MAP2K1: variants seen among roughly 807,000 people sequenced by gnomAD.
MAP2K1 encodes the protein dual specificity mitogen-activated protein kinase kinase 1.
A neutral mutation model predicts 46.3 loss-of-function variants in MAP2K1; 16 were observed. The ratio of observed to expected loss-of-function variants is 0.35; its 90% CI spans 0.23 to 0.52. MAP2K1 has a LOEUF of 0.52. MAP2K1 is among the 20% of genes least tolerant of loss of function. MAP2K1 has a pLI of 0.94. For missense variants in MAP2K1, 263 were observed against 497.1 expected (o/e 0.53, Z 4.48); for synonymous variants, 183 against 185.6 (o/e 0.99, Z 0.11).
intron 1 of MAP2K1, among the ~76,000 whole-genome samples, chr15:66,406,468 G>A (rs186593972): frequency 4.0e-4 from 61 of 152,310 alleles, no homozygotes; most frequent in Non-Finnish European, 8.8e-5. Flanking sequence ...GCAAAAGGAG[G>A]CATTGTGCTG....
rs1893222286 is a variant in MAP2K1, at chr15:66,490,574, C to A, written c.1141C>A (p.Leu381Ile). The change falls in exon 11 of 11, where the codon CTT becomes ATT. Residue 381 changes from leucine to isoleucine, a missense_variant. Leu to Ile is a conservative substitution (Grantham distance 5, BLOSUM62 2). Coordinates refer to ENST00000307102, the MANE Select transcript of MAP2K1 (RefSeq NM_002755.4). ...AGGTTGGCTCTGCTCCACCATCGGCCTTAACCAGCCCAGCACACCAACCCA... is the reference window on the plus strand; with the variant it reads ...AGGTTGGCTCTGCTCCACCATCGGCATTAACCAGCCCAGCACACCAACCCA... ...FAGWLCSTIG[L>I]NQPSTPTHAA... 3 of 1,614,184 alleles carry A rather than the reference C, an allele frequency of 1.9e-6. No homozygotes were observed. The highest frequency in any genetic ancestry group is 2.5e-6 in the Non-Finnish European group (3 of 1,180,036).
At position 66,490,923 on chromosome 15, in the gene MAP2K1, C is replaced by A. The variant is rs14303; in HGVS notation, c.*308C>A. On this transcript the variant is annotated 3_prime_UTR_variant, in exon 11 of 11. Coordinates refer to ENST00000307102, the MANE Select transcript of MAP2K1 (RefSeq NM_002755.4). ...TGGTGAATGTGGGTAGTCATTCTTA[C>A]AATTGCACTGCTGTTCCTGCTCCAT... 0.24 allele frequency: 112,098 copies of A among 475,192 alleles called. 15,051 individuals carry two copies. Among genetic ancestry groups the A allele is most frequent in the South Asian group, 0.33 (15,782 of 47,806 alleles). The allele number at this position is 475,192 out of a possible 1,614,324, so 29.4% of individuals were successfully genotyped here. A position where few individuals can be genotyped will look rare whatever the true frequency, so the allele number is the denominator to read the frequency against.
intron 1 of MAP2K1, among the ~76,000 whole-genome samples, chr15:66,390,247 G>A (rs533344767): frequency 6.6e-6 from 1 of 152,274 alleles, no homozygotes; most frequent in East Asian, 1.9e-4. Context: ...GTGTTTCATA[G>A]CACTAATGAG....
chr15:66,433,770 G>A (rs2093480540), intron 1 of MAP2K1, among the ~76,000 whole-genome samples: 1 of 152,102 alleles, frequency 6.6e-6, no homozygotes, highest in South Asian at 2.1e-4. Flanking sequence ...TGTCACTTCA[G>A]CCACCCCACA....
intron 1 of MAP2K1, among the ~76,000 whole-genome samples, chr15:66,416,380 A>T (rs1358108344): frequency 1.4e-5 from 2 of 147,940 alleles, no homozygotes; most frequent in African/African-American, 2.5e-5. Context: ...CCACCCACAC[A>T]CCCACCTTTC....
At chr15:66,414,804 T>C in intron 1 of MAP2K1, 1 of 203,076 alleles carries the variant, frequency 4.9e-6, no homozygotes, top group Non-Finnish European at 1.0e-5. Context: ...TTTCCCCCAG[T>C]CATCTTTTAT....
intron 5 of MAP2K1, among the ~76,000 whole-genome samples, chr15:66,478,266 ATATATTTAACATATATATATATAC>A (rs1428171833): frequency 2.1e-5 from 3 of 142,752 alleles, no homozygotes. Context: ...ATCTGTGTAT[ATATATTTAACATATATATATATAC>A]TATATATACC....
chr15:66,440,061 G>A (rs1015265583), intron 3 of MAP2K1, among the ~76,000 whole-genome samples: 4 of 151,620 alleles, frequency 2.6e-5, no homozygotes, highest in Non-Finnish European at 5.9e-5. Flanking sequence ...CCATTTCTCC[G>A]ATCAATTTTG....
Position 66,415,094 on chromosome 15 carries a change from C to T in MAP2K1, c.81-19933C>T, listed in dbSNP as rs138883345. The T allele has an allele frequency of 1.4e-3, 719 of 514,932 alleles. 4 individuals carry two copies. The highest frequency in any genetic ancestry group is 0.013 in the African/African-American group (661 of 51,606). The allele number at this position is 514,932 out of a possible 1,614,324, so 31.9% of individuals were successfully genotyped here. A position where few individuals can be genotyped will look rare whatever the true frequency, so the allele number is the denominator to read the frequency against. Reference sequence around the variant, plus strand: ...CAGTAATAACCTCTTCAAAATGCTCCGGTAGTGCCACTATTGCTGAAGTCC... The same window carrying T: ...CAGTAATAACCTCTTCAAAATGCTCTGGTAGTGCCACTATTGCTGAAGTCC... On this transcript the variant is annotated intron_variant, in intron 1 of 10. Transcript: ENST00000307102.
intron 1 of MAP2K1, among the ~76,000 whole-genome samples, chr15:66,416,706 A>G (rs1024957766): frequency 2.6e-5 from 4 of 152,148 alleles, no homozygotes; most frequent in South Asian, 4.1e-4. Context: ...GGTTTCCACT[A>G]TAACAACAGT....
At chr15:66,411,600 C>T (rs573904391) in intron 1 of MAP2K1, among the ~76,000 whole-genome samples, 26 of 152,320 alleles carry the variant, frequency 1.7e-4, no homozygotes, top group African/African-American at 6.0e-4. Context: ...CTTTTCCCTG[C>T]AGCTAATAAC....
intron 1 of MAP2K1, among the ~76,000 whole-genome samples, chr15:66,431,998 AC>A (rs920749480): frequency 2.6e-5 from 4 of 152,056 alleles, no homozygotes; most frequent in African/African-American, 4.8e-5. Context: ...CTCCAGCTCC[AC>A]CCATGTTCCC....
At chr15:66,489,864 C>T in intron 10 of MAP2K1, 101 bp downstream of exon 10, 2 of 983,382 alleles carry the variant, frequency 2.0e-6, no homozygotes, top group Non-Finnish European at 1.6e-6. Context: ...CATTCCCTGC[C>T]CACTGTGGTC....
intron 5 of MAP2K1, among the ~76,000 whole-genome samples, chr15:66,445,313 A>C (rs1291664132): frequency 6.6e-6 from 1 of 152,066 alleles, no homozygotes; most frequent in Non-Finnish European, 1.5e-5. Context: ...AATTGCTTGA[A>C]CCTGGGAGGC....
At position 66,491,139 on chromosome 15, in the gene MAP2K1, T is replaced by A. The variant is rs1893242100; in HGVS notation, c.*524T>A. 1 of 290,856 alleles carries A rather than the reference T, an allele frequency of 3.4e-6. No individual in the cohort carries two copies. The highest frequency in any genetic ancestry group is 4.7e-5 in the Admixed American group (1 of 21,358). The allele number at this position is 290,856 out of a possible 1,614,324, so 18.0% of individuals were successfully genotyped here. A position where few individuals can be genotyped will look rare whatever the true frequency, so the allele number is the denominator to read the frequency against. On this transcript the variant is annotated 3_prime_UTR_variant, in exon 11 of 11. Coordinates refer to ENST00000307102, the MANE Select transcript of MAP2K1 (RefSeq NM_002755.4). ...ATGTTATTTTATTATTATTATTTGC[T>A]TTTCATGTAGAACTCAGCAGTTGAC...
intron 1 of MAP2K1, among the ~76,000 whole-genome samples, chr15:66,409,586 T>C (rs2093406417): frequency 6.6e-6 from 1 of 152,228 alleles, no homozygotes; most frequent in Non-Finnish European, 1.5e-5. Flanking sequence ...GATTCTCAGC[T>C]CTGCAAATCA....
chr15:66,473,410 C>T (rs1320185337), intron 5 of MAP2K1, among the ~76,000 whole-genome samples: 7 of 151,564 alleles, frequency 4.6e-5, no homozygotes, highest in Admixed American at 4.6e-4. Flanking sequence ...CCCTGTCTAC[C>T]AAAAAAAGAA....
At chr15:66,420,296 G>C (rs571389645) in intron 1 of MAP2K1, among the ~76,000 whole-genome samples, 39 of 152,094 alleles carry the variant, frequency 2.6e-4, no homozygotes, top group Admixed American at 5.9e-4. Context: ...GCCGTGCACA[G>C]TGGCTCACAC....
At chr15:66,423,604 A>AT (rs142169839) in intron 1 of MAP2K1, among the ~76,000 whole-genome samples, 89,934 of 112,964 alleles carry the variant, frequency 0.8, 36,967 homozygotes, top group East Asian at 0.96. Flanking sequence ...TGCCAGGCTA[A>AT]TTTTTTTTTT....
Sources: allele counts gnomAD v4.1 joint callset (sites outside exome capture counted in the v4.1 genomes callset), GRCh38; gene constraint gnomAD v4.1.1; transcripts MANE v1.5; gene names NCBI Gene and HGNC (gene_info 2026-07-23, HGNC 2026-07-21).